The following ZNF385B variants were observed in gnomAD, a reference collection of about 807,000 sequenced individuals.
ZNF385B encodes the protein zinc finger protein 533.
A neutral mutation model predicts 39.2 loss-of-function variants in ZNF385B; 23 were observed. The observed-to-expected ratio is 0.59, with a 90% CI of 0.42 to 0.83. The LOEUF (loss-of-function observed/expected upper bound fraction) is 0.83, where lower values mean the gene tolerates loss of function less well. Among genes scored for constraint, ZNF385B ranks in the 40% least tolerant of loss-of-function variants. ZNF385B has a pLI of 0.00. For missense variants in ZNF385B, 552 were observed against 598.9 expected (o/e 0.92, Z 0.82); for synonymous variants, 205 against 222.6 (o/e 0.92, Z 0.70).
At chr2:179,694,575 T>C (rs1339809391) in intron 3 of ZNF385B, among the ~76,000 whole-genome samples, 1 of 152,154 alleles carries the variant, frequency 6.6e-6, no homozygotes, top group Non-Finnish European at 1.5e-5. Flanking sequence ...GAATACAATA[T>C]TCTAGGAATA....
rs866274689 is a variant in ZNF385B at position 179,613,820 on chromosome 2, C to T, written c.299-68851G>A. Among the ~76,000 whole-genome samples, 16 of 151,008 alleles carry T rather than the reference C, an allele frequency of 1.1e-4. No individual in the cohort carries two copies. In the Middle Eastern group the frequency reaches 0.01, roughly 97 times the overall value. Reference sequence around the variant, plus strand: ...TTGCATTCTTGGTGACCTAGACTGCCTTTTAAGTTTATTTAGAACCCCAGA... The same window carrying T: ...TTGCATTCTTGGTGACCTAGACTGCTTTTTAAGTTTATTTAGAACCCCAGA... On this transcript the variant is annotated intron_variant, in intron 3 of 9. Coordinates refer to ENST00000410066, the MANE Select transcript of ZNF385B (RefSeq NM_152520.6).
At position 179,554,396 on chromosome 2, in the gene ZNF385B, A is replaced by G. The variant is rs1358049874; in HGVS notation, c.299-9427T>C. On this transcript the variant is annotated intron_variant, in intron 3 of 9. Transcript: ENST00000410066. Reference sequence around the variant, plus strand: ...AATGGCTTGTGTTTGAGGGGTATATATGGAAGAATGGTGGAGCGGAACTGT... The same window carrying G: ...AATGGCTTGTGTTTGAGGGGTATATGTGGAAGAATGGTGGAGCGGAACTGT... Among the ~76,000 whole-genome samples, 3 of 149,210 alleles carry G rather than the reference A, an allele frequency of 2.0e-5. No homozygotes were observed. In the East Asian group the frequency reaches 5.8e-4, roughly 29 times the overall value.
intron 3 of ZNF385B, 63 bp downstream of exon 3, chr2:179,769,440 T>C: frequency 6.3e-7 from 1 of 1,590,894 alleles, no homozygotes; most frequent in Non-Finnish European, 8.6e-7. Context: ...TCTAAATCCT[T>C]CATTTTCCAG....
intron 5 of ZNF385B, among the ~76,000 whole-genome samples, chr2:179,517,690 T>A (rs899248479): frequency 1.3e-5 from 2 of 152,168 alleles, no homozygotes; most frequent in African/African-American, 2.4e-5. Flanking sequence ...CCACATATTA[T>A]ATGCAGCCTT....
intron 3 of ZNF385B, among the ~76,000 whole-genome samples, chr2:179,591,418 A>G (rs1687554193): frequency 6.6e-6 from 1 of 152,150 alleles, no homozygotes; most frequent in Non-Finnish European, 1.5e-5. Flanking sequence ...CTTTGGGTAT[A>G]TGACTCCCAA....
chr2:179,693,007 G>T (rs548086930), intron 3 of ZNF385B, among the ~76,000 whole-genome samples: 165 of 152,224 alleles, frequency 1.1e-3, no homozygotes, highest in Non-Finnish European at 1.6e-3. Flanking sequence ...CTGGAAGTTT[G>T]TTAGAAAATG....
chr2:179,847,151 A>G (rs1246658529), intron 1 of ZNF385B, among the ~76,000 whole-genome samples: 2 of 152,178 alleles, frequency 1.3e-5, no homozygotes, highest in African/African-American at 4.8e-5. Context: ...TACACATTCT[A>G]TTCTTATATT....
chr2:179,806,677 G>A (rs1395617001), intron 1 of ZNF385B, among the ~76,000 whole-genome samples: 1 of 152,124 alleles, frequency 6.6e-6, no homozygotes, highest in Non-Finnish European at 1.5e-5. Context: ...ACCCCACAAT[G>A]TTGGTATGAT....
At chr2:179,616,700 C>G (rs1032233220) in intron 3 of ZNF385B, among the ~76,000 whole-genome samples, 4 of 152,142 alleles carry the variant, frequency 2.6e-5, no homozygotes, top group Non-Finnish European at 5.9e-5. Flanking sequence ...GCTGGTACCA[C>G]AGTTGCATGC....
At chr2:179,444,330 T>C (rs1053162550) in intron 9 of ZNF385B, among the ~76,000 whole-genome samples, 3 of 152,162 alleles carry the variant, frequency 2.0e-5, no homozygotes, top group Non-Finnish European at 4.4e-5. Context: ...ATGACACTTA[T>C]TGCTGGAGTC....
At chr2:179,752,746 G>T (rs1472694839) in intron 3 of ZNF385B, among the ~76,000 whole-genome samples, 2 of 152,062 alleles carry the variant, frequency 1.3e-5, no homozygotes, top group Non-Finnish European at 2.9e-5. Flanking sequence ...AGAAGTGTCT[G>T]TTCATATACT....
At chr2:179,491,763 A>G (rs555752476) in intron 5 of ZNF385B, among the ~76,000 whole-genome samples, 1 of 152,282 alleles carries the variant, frequency 6.6e-6, no homozygotes, top group Non-Finnish European at 1.5e-5. Context: ...CAGAGGGGCC[A>G]TCATAGCTTG....
At chr2:179,798,370 A>C (rs1705813029) in intron 1 of ZNF385B, among the ~76,000 whole-genome samples, 1 of 152,090 alleles carries the variant, frequency 6.6e-6, no homozygotes, top group Non-Finnish European at 1.5e-5. Flanking sequence ...AGGAGTGCTC[A>C]ATATTATACA....
chr2:179,630,162 G>T (rs1248437544), intron 3 of ZNF385B, among the ~76,000 whole-genome samples: 2 of 152,230 alleles, frequency 1.3e-5, no homozygotes, highest in Non-Finnish European at 2.9e-5. Context: ...AGAGAGCAGT[G>T]GTTCTCCAAG....
intron 3 of ZNF385B, among the ~76,000 whole-genome samples, chr2:179,653,800 T>C (rs1277606736): frequency 6.6e-6 from 1 of 152,186 alleles, no homozygotes; most frequent in Non-Finnish European, 1.5e-5. Flanking sequence ...TGTTCACTCA[T>C]TTAACAATAC....
At chr2:179,526,036 A>T (rs1285632794) in intron 4 of ZNF385B, among the ~76,000 whole-genome samples, 2 of 129,180 alleles carry the variant, frequency 1.5e-5, no homozygotes, top group East Asian at 4.5e-4. Flanking sequence ...TTAACCACAG[A>T]TTTTTTTTTT....
At chr2:179,555,043 T>TTCTTCATAATAGCC in intron 3 of ZNF385B, among the ~76,000 whole-genome samples, 1 of 149,632 alleles carries the variant, frequency 6.7e-6, no homozygotes, top group East Asian at 1.9e-4. Flanking sequence ...TATGGCAATA[T>TTCTTCATAATAGCC]TCTTCATAAT....
At chr2:179,686,430 A>G (rs1258485345) in intron 3 of ZNF385B, among the ~76,000 whole-genome samples, 3 of 152,222 alleles carry the variant, frequency 2.0e-5, no homozygotes, top group Non-Finnish European at 4.4e-5. Context: ...AAGAGACGTT[A>G]GCCTGGAAAG....
chr2:179,709,564 T>C (rs990653345), intron 3 of ZNF385B, among the ~76,000 whole-genome samples: 3 of 152,210 alleles, frequency 2.0e-5, no homozygotes, highest in Admixed American at 1.3e-4. Context: ...AGCCTGCATA[T>C]GTCTTCTTGA....
Sources: gnomAD v4.1 joint callset for allele counts (sites outside exome capture counted in the v4.1 genomes callset) on GRCh38, gnomAD v4.1.1 for gene constraint, MANE v1.5 for transcripts, NCBI Gene and HGNC (gene_info 2026-07-23, HGNC 2026-07-21) for gene names.